Variants in RIMKLB observed in about 807,000 individuals in gnomAD.
The protein encoded by RIMKLB is ribosomal modification protein rimK like family member B, also known as beta-citrylglutamate synthase B.
Under a neutral mutation model 32.0 loss-of-function variants are expected in RIMKLB, and 7 were observed. The ratio of observed to expected loss-of-function variants is 0.22; its 90% confidence interval spans 0.12 to 0.41. The LOEUF is 0.41. Ranked by LOEUF, RIMKLB falls within the 10% of genes least tolerant of loss-of-function variation. The pLI, the probability that RIMKLB is intolerant of heterozygous loss-of-function variation, is 1.00. For missense variants in RIMKLB, 289 were observed against 498.7 expected (o/e 0.58, Z 4.00); for synonymous variants, 172 against 185.1 (o/e 0.93, Z 0.57).
At chr12:8,745,138 A>T (rs1433338361) in intron 2 of RIMKLB, among the ~76,000 whole-genome samples, 1 of 151,572 alleles carries the variant, frequency 6.6e-6, no homozygotes, top group Non-Finnish European at 1.5e-5. Context: ...TTTAGTAGAG[A>T]CGGGTTTTGC....
intron 2 of RIMKLB, among the ~76,000 whole-genome samples, chr12:8,735,674 A>G (rs1223577544): frequency 6.6e-6 from 1 of 151,950 alleles, no homozygotes; most frequent in East Asian, 1.9e-4. Flanking sequence ...TTTTTGTTTA[A>G]TGACATATTT....
At position 8,750,477 on chromosome 12, in the gene RIMKLB, A is replaced by G. The variant is rs766335864; in HGVS notation, c.406+385A>G. On this transcript the variant is annotated intron_variant, in intron 3 of 5. Transcript: ENST00000535829. ...TTTGACCCACAGGCCTTAGTTTGCC[A>G]ACCTCTGTGGTAAAAGATAATTCTA... is the stretch of plus-strand genomic sequence containing the variant. 3.3e-5 allele frequency among the ~76,000 whole-genome samples: 5 copies of G among 152,330 alleles called. No homozygotes were observed. The South Asian group carries it at 6.2e-4, about 19-fold the overall frequency.
At chr12:8,719,943 G>C (rs892990694) in intron 2 of RIMKLB, among the ~76,000 whole-genome samples, 1 of 152,162 alleles carries the variant, frequency 6.6e-6, no homozygotes, top group African/African-American at 2.4e-5. Context: ...CCTCAAGGTA[G>C]GGCCTGGTTG....
intron 5 of RIMKLB, among the ~76,000 whole-genome samples, chr12:8,757,285 T>C (rs1182083861): frequency 6.6e-6 from 1 of 152,004 alleles, no homozygotes; most frequent in African/African-American, 2.4e-5. Context: ...CCCAACACTT[T>C]GGGATGCCGA....
intron 2 of RIMKLB, among the ~76,000 whole-genome samples, chr12:8,736,336 A>G (rs893197724): frequency 3.3e-5 from 5 of 152,164 alleles, no homozygotes; most frequent in African/African-American, 9.7e-5. Context: ...TTTATTTTGA[A>G]ATAGTTGGAA....
At position 8,776,638 on chromosome 12, in the gene RIMKLB, C is replaced by G; in HGVS notation, c.*2854C>G. On this transcript the variant is annotated 3_prime_UTR_variant, in exon 6 of 6. Coordinates refer to ENST00000535829, the MANE Select transcript of RIMKLB (RefSeq NM_001297776.2). ...ACTGGACTTTATATATCTAAACATA[C>G]AAGTATGAACTATTCTATTTAAAAT... 2 of 924,898 alleles carry G rather than the reference C, an allele frequency of 2.2e-6. No homozygotes were observed. The highest frequency in any genetic ancestry group is 2.6e-6 in the Non-Finnish European group (2 of 775,122). The allele number at this position is 924,898 out of a possible 1,614,324, so 57.3% of individuals were successfully genotyped here. A position where few individuals can be genotyped will look rare whatever the true frequency, so the allele number is the denominator to read the frequency against.
chr12:8,692,358 A>G (rs764176424), upstream of RIMKLB, among the ~76,000 whole-genome samples: 1 of 152,368 alleles, frequency 6.6e-6, no homozygotes, highest in South Asian at 2.1e-4. Context: ...TCATGTGTCT[A>G]AAGATCATTT....
intron 2 of RIMKLB, among the ~76,000 whole-genome samples, chr12:8,737,015 G>C (rs1268474513): frequency 6.6e-6 from 1 of 151,914 alleles, no homozygotes; most frequent in Non-Finnish European, 1.5e-5. Context: ...GTTTCACCAT[G>C]TTGGCCAGGC....
At chr12:8,748,559 C>CGCGCAT (rs1555168490) in intron 2 of RIMKLB, among the ~76,000 whole-genome samples, 1 of 125,642 alleles carries the variant, frequency 8.0e-6, no homozygotes, top group Non-Finnish European at 1.6e-5. Context: ...TGTGTGTGTG[C>CGCGCAT]ATATATATAT....
chr12:8,759,255 C>G (rs868121857), intron 5 of RIMKLB, among the ~76,000 whole-genome samples: 1 of 152,044 alleles, frequency 6.6e-6, no homozygotes, highest in Non-Finnish European at 1.5e-5. Flanking sequence ...ATTAGCTGGG[C>G]ATGGTGGCAG....
intron 2 of RIMKLB, among the ~76,000 whole-genome samples, chr12:8,748,554 G>GCATATA (rs1338198279): frequency 9.2e-4 from 101 of 109,536 alleles, no homozygotes; most frequent in African/African-American, 2.8e-3. Context: ...GTGTGTGTGT[G>GCATATA]TGTGCATATA....
In RIMKLB at chr12:8,776,854, A is replaced by G. The variant is rs1950756794; in HGVS notation, c.*3070A>G. On this transcript the variant is annotated 3_prime_UTR_variant, in exon 6 of 6. Coordinates refer to ENST00000535829, the MANE Select transcript of RIMKLB (RefSeq NM_001297776.2). ...CAGACTTTGAGAACATATTGAAGGC[A>G]TTGACTTTGAAAATCATCTCTTTTT... 1 of 985,860 alleles carries G rather than the reference A, an allele frequency of 1.0e-6. No individual in the cohort carries two copies. The highest frequency in any genetic ancestry group is 1.2e-6 in the Non-Finnish European group (1 of 829,926). The allele number at this position is 985,860 out of a possible 1,614,324, so 61.1% of individuals were successfully genotyped here. A position where few individuals can be genotyped will look rare whatever the true frequency, so the allele number is the denominator to read the frequency against.
At chr12:8,748,752 C>T in intron 2 of RIMKLB, among the ~76,000 whole-genome samples, 1 of 151,878 alleles carries the variant, frequency 6.6e-6, no homozygotes, top group South Asian at 2.1e-4. Context: ...TCCTGGCCAA[C>T]ATGGTAAAAC....
chr12:8,749,654 A>G (rs1948455190), intron 2 of RIMKLB, among the ~76,000 whole-genome samples: 1 of 152,224 alleles, frequency 6.6e-6, no homozygotes, highest in African/African-American at 2.4e-5. Flanking sequence ...CTATGTGGTA[A>G]TTCATTGTAG....
chr12:8,723,696 A>AG (rs1945689181), intron 2 of RIMKLB, among the ~76,000 whole-genome samples: 1 of 152,116 alleles, frequency 6.6e-6, no homozygotes, highest in African/African-American at 2.4e-5. Flanking sequence ...TTAAAAAAAA[A>AG]TAAACTGTTG....
intron 1 of RIMKLB, among the ~76,000 whole-genome samples, chr12:8,703,069 T>G (rs1322960301): frequency 6.6e-6 from 1 of 152,164 alleles, no homozygotes; most frequent in Non-Finnish European, 1.5e-5. Flanking sequence ...GTGGATCACC[T>G]AAGGCCAGGA....
At chr12:8,759,942 A>G (rs1179492221) in intron 5 of RIMKLB, among the ~76,000 whole-genome samples, 1 of 152,066 alleles carries the variant, frequency 6.6e-6, no homozygotes, top group Non-Finnish European at 1.5e-5. Flanking sequence ...TGGCATCTTT[A>G]TTTTTTATTT....
chr12:8,703,411 T>C (rs1432707357), intron 1 of RIMKLB, among the ~76,000 whole-genome samples: 1 of 152,218 alleles, frequency 6.6e-6, no homozygotes, highest in Non-Finnish European at 1.5e-5. Context: ...CACTGTAGCC[T>C]TGAACTTCTA....
At chr12:8,716,504 A>G (rs1362938204) in intron 2 of RIMKLB, among the ~76,000 whole-genome samples, 2 of 140,270 alleles carry the variant, frequency 1.4e-5, no homozygotes, top group African/African-American at 2.7e-5. Flanking sequence ...TTTTCCTTCT[A>G]AGCCATAACT....
Sources: allele counts gnomAD v4.1 joint callset (sites outside exome capture counted in the v4.1 genomes callset), GRCh38; gene constraint gnomAD v4.1.1; transcripts MANE v1.5; gene names NCBI Gene and HGNC (gene_info 2026-07-23, HGNC 2026-07-21).